IL23R: variants seen among roughly 807,000 people sequenced by gnomAD.
IL23R encodes interleukin 23 receptor.
IL23R carries 34 observed loss-of-function variants against 56.9 expected under a neutral mutation model. The ratio of observed to expected loss-of-function variants is 0.60; its 90% CI spans 0.45 to 0.80. The LOEUF is 0.80. IL23R is among the 30% of genes least tolerant of loss of function. IL23R has a pLI of 0.00. For synonymous variants in IL23R, 230 were observed against 249.2 expected, an observed-to-expected ratio of 0.92 and a Z score of 0.73; for missense variants, 635 against 730.0, an observed-to-expected ratio of 0.87 and a Z score of 1.50.
At chr1:67,265,298 G>C in the IL23R span, among the ~76,000 whole-genome samples, 194 of 152,342 alleles carry the variant, frequency 1.3e-3, no homozygotes, top group African/African-American at 4.6e-3. Flanking sequence ...AGGAATACCA[G>C]TGTAAATGGA....
upstream of IL23R, among the ~76,000 whole-genome samples, chr1:67,165,391 G>T (rs888896891): frequency 2.6e-5 from 4 of 152,168 alleles, no homozygotes. Context: ...ATGGAAAACA[G>T]TGTGAAATAA....
intron 9 of IL23R, among the ~76,000 whole-genome samples, chr1:67,242,705 C>A (rs1651931088): frequency 6.6e-6 from 1 of 152,170 alleles, no homozygotes; most frequent in Admixed American, 6.6e-5. Flanking sequence ...TCAGAAGATT[C>A]ATTCTTTGGG....
rs369556867 is a variant in IL23R at position 67,258,675 on chromosome 1, T to A, written c.1437T>A (p.Asp479Glu). 2.5e-5 allele frequency: 41 copies of A among 1,613,790 alleles called. No individual in the cohort carries two copies. Among genetic ancestry groups the A allele is most frequent in the Non-Finnish European group, 3.4e-5 (40 of 1,179,934 alleles). The change falls in exon 11 of 11, where the codon GAT becomes GAA. Residue 479 changes from aspartate to glutamate, a missense_variant. Asp to Glu is a conservative substitution (Grantham distance 45). Transcript: ENST00000347310. ...ATACTACAGTTGTATATATTCCTGATCTCAACACTGGATATAAACCCCAAA... is the reference window on the plus strand; with the variant it reads ...ATACTACAGTTGTATATATTCCTGAACTCAACACTGGATATAAACCCCAAA... ...FDNTTVVYIPDLNTGYKPQIS... is the reference protein window; with the variant it reads ...FDNTTVVYIPELNTGYKPQIS...
intron 7 of IL23R, chr1:67,231,713 A>T (rs772795652): frequency 6.6e-6 from 1 of 152,190 alleles, no homozygotes; most frequent in Non-Finnish European, 1.5e-5. Context: ...AAATGAGGAA[A>T]TTTTTATTAA....
At chr1:67,229,467 G>GT (rs1341870626) in intron 7 of IL23R, among the ~76,000 whole-genome samples, 2 of 152,230 alleles carry the variant, frequency 1.3e-5, no homozygotes, top group Admixed American at 1.3e-4. Context: ...GGCCTTTGGG[G>GT]TTTTTTGTAG....
At chr1:67,241,984 G>A (rs369220528) in intron 9 of IL23R, among the ~76,000 whole-genome samples, 16 of 152,040 alleles carry the variant, frequency 1.1e-4, no homozygotes, top group Admixed American at 3.9e-4. Context: ...AATACTTTTC[G>A]GTTTGGCCAA....
intron 9 of IL23R, among the ~76,000 whole-genome samples, chr1:67,250,335 C>T (rs1652529225): frequency 6.6e-6 from 1 of 152,128 alleles, no homozygotes; most frequent in Admixed American, 6.5e-5. Flanking sequence ...TTTTAAGCAA[C>T]CAGTTATTTT....
At chr1:67,215,811 C>G (rs1464508616) in intron 6 of IL23R, among the ~76,000 whole-genome samples, 2 of 152,192 alleles carry the variant, frequency 1.3e-5, no homozygotes, top group Non-Finnish European at 2.9e-5. Context: ...CTGAAAATGT[C>G]TCTCCTCTTG....
chr1:67,175,619 T>C (rs1271546240), intron 3 of IL23R, among the ~76,000 whole-genome samples: 1 of 152,192 alleles, frequency 6.6e-6, no homozygotes, highest in Non-Finnish European at 1.5e-5. Context: ...CTTCGCTTAA[T>C]ATAATGTCTT....
chr1:67,240,798 GA>G (rs1651795790), intron 9 of IL23R, among the ~76,000 whole-genome samples: 1 of 152,148 alleles, frequency 6.6e-6, no homozygotes, highest in African/African-American at 2.4e-5. Context: ...AGCAGATTCA[GA>G]AAGACTCCAG....
intron 1 of IL23R, among the ~76,000 whole-genome samples, chr1:67,145,799 A>G (rs1193022143): frequency 6.6e-6 from 1 of 152,208 alleles, no homozygotes; most frequent in Non-Finnish European, 1.5e-5. Flanking sequence ...CTAATGAACC[A>G]TGCCTCCCAG....
At chr1:67,206,821 T>G in intron 5 of IL23R, 89 bp from the exon 6 acceptor site, 1 of 1,316,664 alleles carries the variant, frequency 7.6e-7, no homozygotes, top group Non-Finnish European at 1.0e-6. Flanking sequence ...TTGAGCTTTC[T>G]CATATCTAGA....
chr1:67,243,073 A>G (rs1651954664), intron 9 of IL23R, among the ~76,000 whole-genome samples: 1 of 152,188 alleles, frequency 6.6e-6, no homozygotes, highest in Non-Finnish European at 1.5e-5. Context: ...TAAAATGCAG[A>G]ACTTTTAATA....
At chr1:67,207,265 G>C in intron 6 of IL23R, 1 of 644,964 alleles carries the variant, frequency 1.6e-6, no homozygotes, top group Non-Finnish European at 2.8e-6. Flanking sequence ...TGGATATATT[G>C]CATGGTATTG....
intron 4 of IL23R, among the ~76,000 whole-genome samples, chr1:67,189,969 C>T (rs928282619): frequency 6.6e-6 from 1 of 152,076 alleles, no homozygotes; most frequent in Non-Finnish European, 1.5e-5. Flanking sequence ...GTCAATTTCC[C>T]TAACTACCAG....
chr1:67,210,673 C>T (rs1331095246), intron 6 of IL23R, among the ~76,000 whole-genome samples: 1 of 151,756 alleles, frequency 6.6e-6, no homozygotes, highest in Non-Finnish European at 1.5e-5. Flanking sequence ...GCCATGTTGC[C>T]CAGGCCGGTC....
At chr1:67,197,319 A>C (rs965625114) in intron 4 of IL23R, among the ~76,000 whole-genome samples, 1 of 152,218 alleles carries the variant, frequency 6.6e-6, no homozygotes, top group Non-Finnish European at 1.5e-5. Context: ...GAGCAGTTTC[A>C]AGGAAAAGTA....
intron 9 of IL23R, among the ~76,000 whole-genome samples, chr1:67,241,961 C>G (rs1651884327): frequency 6.6e-6 from 1 of 152,192 alleles, no homozygotes; most frequent in South Asian, 2.1e-4. Flanking sequence ...TAAGTGCCAG[C>G]AGCTGTTTAG....
chr1:67,201,670 G>A (rs1250113209), intron 5 of IL23R, among the ~76,000 whole-genome samples: 1 of 151,742 alleles, frequency 6.6e-6, no homozygotes, highest in Non-Finnish European at 1.5e-5. Flanking sequence ...ACTTATGTAA[G>A]GTTTTTTTGT....
Sources: allele counts gnomAD v4.1 joint callset (sites outside exome capture counted in the v4.1 genomes callset), GRCh38; gene constraint gnomAD v4.1.1; transcripts MANE v1.5; gene names NCBI Gene and HGNC (gene_info 2026-07-23, HGNC 2026-07-21).